ANK2: variants seen among roughly 807,000 people sequenced by gnomAD.
The protein encoded by ANK2 is ankyrin 2.
A neutral mutation model predicts 360.5 loss-of-function variants in ANK2; 83 were observed. The ratio of observed to expected loss-of-function variants is 0.23; its 90% confidence interval spans 0.19 to 0.28. ANK2 has a LOEUF of 0.28. Among genes scored for constraint, ANK2 ranks in the 10% least tolerant of loss-of-function variants. The pLI is 1.00. For missense variants in ANK2, 4,201 were observed against 4,795.7 expected, an observed-to-expected ratio of 0.88 and a Z score of 3.66; for synonymous variants, 1,740 against 1,759.5, an observed-to-expected ratio of 0.99 and a Z score of 0.28.
At chr4:113,027,612 T>C (rs911876593) in intron 2 of ANK2, among the ~76,000 whole-genome samples, 7 of 152,134 alleles carry the variant, frequency 4.6e-5, no homozygotes, top group African/African-American at 1.7e-4. Flanking sequence ...GAAGAGCTCA[T>C]GTCCCCAGGT....
the ANK2 span, among the ~76,000 whole-genome samples, chr4:112,750,908 A>G: frequency 6.6e-6 from 1 of 151,910 alleles, no homozygotes; most frequent in Admixed American, 6.6e-5. Flanking sequence ...TTGTATTTTT[A>G]GTAAAGATGG....
chr4:113,233,346 G>A (rs1353432699), intron 5 of ANK2, among the ~76,000 whole-genome samples: 7 of 150,310 alleles, frequency 4.7e-5, no homozygotes, highest in South Asian at 2.1e-4. Flanking sequence ...CGTTTTAGCC[G>A]GGATGGTCTC....
chr4:113,110,011 G>T lies in ANK2; in HGVS notation c.84+60199G>T, dbSNP rs572505636. On this transcript the variant is annotated intron_variant, in intron 1 of 45. Coordinates refer to ENST00000357077, the MANE Select transcript of ANK2 (RefSeq NM_001148.6). ...ATGGAATATGAGTTTGCACGAGTGG[G>T]CATAAAATGAAAAGTGCTGGTCATG... 1.1e-4 allele frequency among the ~76,000 whole-genome samples: 16 copies of T among 152,232 alleles called. No homozygotes were observed. In the South Asian group the frequency reaches 1.9e-3, roughly 18 times the overall value.
intron 13 of ANK2, 60 bp from the exon 14 acceptor site, chr4:113,264,837 T>C: frequency 6.6e-7 from 1 of 1,514,898 alleles, no homozygotes; most frequent in Non-Finnish European, 9.0e-7. Flanking sequence ...GACAACTTTA[T>C]TCTTTACCAT....
rs1404361696 is a variant in ANK2 at position 113,373,159 on chromosome 4, A to C, written c.11680A>C (p.Thr3894Pro). The change falls in exon 44 of 46, where the codon ACC becomes CCC. Residue 3894 changes from threonine (T) to proline (P), a missense_variant. Thr to Pro is a conservative substitution (Grantham distance 38). Coordinates refer to ENST00000357077, the MANE Select transcript of ANK2 (RefSeq NM_001148.6). The stretch of plus-strand genomic sequence containing the variant: ...AGAATACATTGATGAGCATGGACAC[A>C]CCGTGGTAAAGAAGGTATTGTCTAG... Reference protein sequence around the residue: ...EEEYIDEHGHTVVKKVTRKII... With the variant: ...EEEYIDEHGHPVVKKVTRKII... The C allele has an allele frequency of 3.7e-6, 6 of 1,614,064 alleles. No homozygotes were observed. The highest frequency in any genetic ancestry group is 5.1e-6 in the Non-Finnish European group (6 of 1,179,910).
intron 2 of ANK2, among the ~76,000 whole-genome samples, chr4:112,982,185 T>A (rs559103778): frequency 0.018 from 2,617 of 148,454 alleles, 71 homozygotes; most frequent in African/African-American, 0.06. Context: ...AGAAGAAAAA[T>A]TTTTTTTTAA....
intron 4 of ANK2, among the ~76,000 whole-genome samples, chr4:113,225,912 A>G (rs1441207354): frequency 6.6e-6 from 1 of 152,198 alleles, no homozygotes; most frequent in African/African-American, 2.4e-5. Context: ...AAGTGTTTGA[A>G]TTCCCTAAAA....
At chr4:112,868,396 C>G (rs2071517381) in intron 1 of ANK2, among the ~76,000 whole-genome samples, 1 of 152,208 alleles carries the variant, frequency 6.6e-6, no homozygotes, top group South Asian at 2.1e-4. Context: ...CAAGAGAGTA[C>G]ATGAGAGAGA....
the ANK2 span, among the ~76,000 whole-genome samples, chr4:112,774,790 G>A: frequency 6.6e-6 from 1 of 152,188 alleles, no homozygotes; most frequent in East Asian, 1.9e-4. Context: ...TTAAGCAGGA[G>A]GCAGGGGCTT....
the ANK2 span, among the ~76,000 whole-genome samples, chr4:112,711,850 A>T: frequency 1.1e-4 from 17 of 150,798 alleles, no homozygotes; most frequent in African/African-American, 2.4e-4. Context: ...AAATAAAAAT[A>T]AAAAATAAAA....
chr4:113,209,990 TG>T (rs1215445671), intron 4 of ANK2, among the ~76,000 whole-genome samples: 1 of 152,122 alleles, frequency 6.6e-6, no homozygotes, highest in African/African-American at 2.4e-5. Flanking sequence ...ATCTATTTGG[TG>T]GGGGTCTGGG....
intron 1 of ANK2, among the ~76,000 whole-genome samples, chr4:112,819,406 A>C (rs1221350034): frequency 6.6e-6 from 1 of 152,224 alleles, no homozygotes; most frequent in Non-Finnish European, 1.5e-5. Context: ...ATCTCTGCAC[A>C]AACCAGAGAC....
chr4:112,743,102 T>C, the ANK2 span, among the ~76,000 whole-genome samples: 2 of 152,166 alleles, frequency 1.3e-5, no homozygotes, highest in South Asian at 4.1e-4. Context: ...CTCAATACAG[T>C]GTGTAGTCAA....
intron 32 of ANK2, 64 bp downstream of exon 32, chr4:113,339,386 G>T: frequency 8.0e-7 from 1 of 1,245,694 alleles, no homozygotes; most frequent in Non-Finnish European, 1.2e-6. Context: ...ACTGCCCTTT[G>T]TTTTATTTTG....
chr4:112,901,616 AT>A (rs2083383613), intron 1 of ANK2, among the ~76,000 whole-genome samples: 2 of 152,102 alleles, frequency 1.3e-5, no homozygotes, highest in African/African-American at 2.4e-5. Flanking sequence ...TAATCCCAGC[AT>A]TTTGGGAGGC....
chr4:113,158,375 C>A (rs2097380038), intron 1 of ANK2, among the ~76,000 whole-genome samples: 1 of 152,106 alleles, frequency 6.6e-6, no homozygotes, highest in Non-Finnish European at 1.5e-5. Flanking sequence ...GAAGAGATGG[C>A]TTTTGGTCAG....
intron 2 of ANK2, among the ~76,000 whole-genome samples, chr4:112,945,793 C>CT (rs1295258848): frequency 6.6e-6 from 1 of 152,150 alleles, no homozygotes; most frequent in Non-Finnish European, 1.5e-5. Flanking sequence ...GGAGCCGAAG[C>CT]TTTAAGACAT....
intron 1 of ANK2, among the ~76,000 whole-genome samples, chr4:112,868,354 A>G (rs6835163): frequency 0.73 from 111,759 of 152,168 alleles, 42,523 homozygotes; most frequent in African/African-American, 0.93. Context: ...GGGCCTTCAA[A>G]CTTCATCACC....
In ANK2 at chr4:113,355,003, G is replaced by C. The variant is rs1255026715; in HGVS notation, c.6385G>C (p.Asp2129His). The C allele has an allele frequency of 1.2e-6, 2 of 1,614,070 alleles. No individual in the cohort carries two copies. Among genetic ancestry groups the C allele is most frequent in the Non-Finnish European group, 1.7e-6 (2 of 1,179,974 alleles). ...AGACATGGATCTACAGATCAGCCCA[G>C]ATAGGAAAACCTCCACTGACTTCTC... ...QGDMDLQISP[D>H]RKTSTDFSEV... Residue 2129 changes from aspartate (D) to histidine (H), a missense_variant, in exon 38 of 46, where the codon GAT (aspartate) becomes CAT (histidine). Around this residue, in one of 4 missense-constraint regions of ANK2, gnomAD observed 2,642 missense variants for 2,714.5 expected, o/e 0.97. Transcript: ENST00000357077.
Sources: gnomAD v4.1 joint callset for allele counts (sites outside exome capture counted in the v4.1 genomes callset) on GRCh38, gnomAD v4.1.1 for gene constraint, gnomAD v4.1.1 regional missense constraint, MANE v1.5 for transcripts, NCBI Gene and HGNC (gene_info 2026-07-23, HGNC 2026-07-21) for gene names.